The following LPAR5 variants were observed in gnomAD, a reference collection of about 807,000 sequenced individuals.
LPAR5 encodes lysophosphatidic acid receptor 5, also known as G protein-coupled receptor 92.
For synonymous variants in LPAR5, 271 were observed against 261.6 expected (o/e 1.04, Z -0.35); for missense variants, 544 against 521.8 (o/e 1.04, Z -0.41).
chr12:6,621,130 T>G lies in LPAR5; in HGVS notation c.119A>C (p.Asn40Thr). The G allele has an allele frequency of 6.3e-7, 1 of 1,598,008 alleles. No individual in the cohort carries two copies. The change falls in exon 2 of 2, where the codon AAC becomes ACC. Residue 40 changes from asparagine to threonine, a missense_variant. Asn to Thr is a moderately conservative substitution (Grantham distance 65). Transcript: ENST00000329858. ...SLVLAAGLPL[N>T]ALALWVFLRA... is the part of the protein sequence containing the mutation. Reference sequence around the variant, plus strand: ...CAGGAAGACCCAGAGGGCTAGCGCGTTGAGGGGGAGCCCGGCAGCCAGCAC... The same window carrying G: ...CAGGAAGACCCAGAGGGCTAGCGCGGTGAGGGGGAGCCCGGCAGCCAGCAC...
At chr12:6,631,643 C>G (rs1948981441) in intron 1 of LPAR5, 1 of 152,298 alleles carries the variant, frequency 6.6e-6, no homozygotes, top group Non-Finnish European at 1.5e-5. Context: ...GGGCACTGCT[C>G]TTTGCTGAGA....
rs201248612 is a variant in LPAR5 at position 6,621,120 on chromosome 12, G to C, written c.129C>G (p.Ala43=). 6.2e-7 allele frequency: 1 copy of C among 1,603,752 alleles called. No homozygotes were observed. Among genetic ancestry groups the C allele is most frequent in the Admixed American group, 1.7e-5 (1 of 58,878 alleles). The part of the protein sequence containing the change: ...LAAGLPLNAL[A]LWVFLRALRV... Reference sequence around the variant, plus strand: ...GCAGCGCGCGCAGGAAGACCCAGAGGGCTAGCGCGTTGAGGGGGAGCCCGG... The same window carrying C: ...GCAGCGCGCGCAGGAAGACCCAGAGCGCTAGCGCGTTGAGGGGGAGCCCGG... The change falls in exon 2 of 2, where the codon GCC becomes GCG. Residue 43 remains alanine, a synonymous_variant. Transcript: ENST00000329858.
Position 6,620,929 on chromosome 12 carries a change from C to T in LPAR5, c.320G>A (p.Gly107Asp). 6.2e-7 allele frequency: 1 copy of T among 1,607,376 alleles called. No individual in the cohort carries two copies. Among genetic ancestry groups the T allele is most frequent in the Non-Finnish European group, 8.5e-7 (1 of 1,177,180 alleles). ...TGAIFQMNMYGSCIFLMLINV... is the reference protein window; with the variant it reads ...TGAIFQMNMYDSCIFLMLINV... ...GATGAGCATCAGGAAGATGCAGCTGCCGTACATGTTCATCTGGAAGATGGC... is the reference window on the plus strand; with the variant it reads ...GATGAGCATCAGGAAGATGCAGCTGTCGTACATGTTCATCTGGAAGATGGC... Residue 107 changes from glycine to aspartate, a missense_variant, in exon 2 of 2, where the codon GGC (glycine) becomes GAC (aspartate). Gly to Asp is a moderately conservative substitution (Grantham distance 94). Coordinates refer to ENST00000329858, the MANE Select transcript of LPAR5 (RefSeq NM_020400.6). The surrounding 1 kb of genome is among the most constrained non-coding windows in gnomAD (Gnocchi z 6.8).
At chr12:6,625,205 C>T (rs947946561) in intron 1 of LPAR5, among the ~76,000 whole-genome samples, 2 of 151,666 alleles carry the variant, frequency 1.3e-5, no homozygotes, top group African/African-American at 4.8e-5. Context: ...GCAGGCGGAT[C>T]ACGAGGTCAG....
intron 1 of LPAR5, among the ~76,000 whole-genome samples, chr12:6,630,186 C>T (rs946707775): frequency 2.0e-5 from 3 of 151,562 alleles, no homozygotes; most frequent in African/African-American, 4.8e-5. Flanking sequence ...TGCAGTATCA[C>T]AATCTTGGCT....
chr12:6,620,750 A>G lies in LPAR5; in HGVS notation c.499T>C (p.Tyr167His), dbSNP rs750761792. Residue 167 changes from tyrosine (Y) to histidine (H), a missense_variant, in exon 2 of 2, where the codon TAC (tyrosine) becomes CAC (histidine). Physicochemically the swap from Tyr to His is moderately conservative, Grantham distance 83 (BLOSUM62 2). Transcript: ENST00000329858. The surrounding 1 kb of genome is among the most constrained non-coding windows in gnomAD (Gnocchi z 6.8). ...CATAGGCGCACCTCGAGGTCCCGGT[A>G]GCGGCAACGCGAGGGCCTGTGCACG... ...ARVHRPSRCR[Y>H]RDLEVRLCFE... 11 of 1,592,712 alleles carry G rather than the reference A, an allele frequency of 6.9e-6. No individual in the cohort carries two copies. The highest frequency in any genetic ancestry group is 2.3e-5 in the South Asian group (2 of 88,516).
At position 6,634,983 on chromosome 12, in the gene LPAR5, G is replaced by T. The variant is rs370071866; in HGVS notation, c.-217+924C>A. ...CGTACCTATAATCCCAGCTACTCAG[G>T]AGGCTGAGGCAGAGAATTGCTTGAA... On this transcript the variant is annotated intron_variant, in intron 1 of 1. Coordinates refer to ENST00000329858, the MANE Select transcript of LPAR5 (RefSeq NM_020400.6). Among the ~76,000 whole-genome samples, 11 of 151,126 alleles carry T rather than the reference G, an allele frequency of 7.3e-5. No individual in the cohort carries two copies. The East Asian group carries it at 2.0e-3, about 27-fold the overall frequency.
At chr12:6,635,648 G>A (rs1350154896) in intron 1 of LPAR5, among the ~76,000 whole-genome samples, 3 of 152,174 alleles carry the variant, frequency 2.0e-5, no homozygotes, top group South Asian at 2.1e-4. Context: ...CAGCCTCTGC[G>A]AGATGCCCCA....
At chr12:6,623,813 C>T (rs997791709) in intron 1 of LPAR5, among the ~76,000 whole-genome samples, 2 of 152,008 alleles carry the variant, frequency 1.3e-5, no homozygotes, top group African/African-American at 4.8e-5. Context: ...AGGCTAGCTC[C>T]TCATTATCCA....
At chr12:6,632,537 G>A (rs1948986395) in intron 1 of LPAR5, among the ~76,000 whole-genome samples, 1 of 152,152 alleles carries the variant, frequency 6.6e-6, no homozygotes, top group African/African-American at 2.4e-5. Flanking sequence ...AGCGCTGGGA[G>A]GATGCACCCT....
intron 1 of LPAR5, among the ~76,000 whole-genome samples, chr12:6,622,214 A>G (rs1948901999): frequency 6.6e-6 from 1 of 151,884 alleles, no homozygotes; most frequent in Non-Finnish European, 1.5e-5. Context: ...ACCTGAGGTC[A>G]GGAGTTCGAG....
intron 1 of LPAR5, among the ~76,000 whole-genome samples, chr12:6,629,642 C>G (rs952304205): frequency 1.7e-4 from 25 of 150,280 alleles, no homozygotes; most frequent in Non-Finnish European, 3.4e-4. Flanking sequence ...CCACTGCACT[C>G]CAGCCTAGAT....
chr12:6,623,505 G>A (rs1948911348), intron 1 of LPAR5, among the ~76,000 whole-genome samples: 1 of 152,090 alleles, frequency 6.6e-6, no homozygotes, highest in Non-Finnish European at 1.5e-5. Context: ...CTGCACTCCA[G>A]CCTGGGTGAC....
At chr12:6,625,865 G>A (rs910627732) in intron 1 of LPAR5, among the ~76,000 whole-genome samples, 5 of 152,074 alleles carry the variant, frequency 3.3e-5, no homozygotes, top group Admixed American at 6.5e-5. Context: ...GCAGTGGCTC[G>A]ATCTTGGCCC....
At chr12:6,624,662 G>C (rs551148987) in intron 1 of LPAR5, among the ~76,000 whole-genome samples, 2 of 151,788 alleles carry the variant, frequency 1.3e-5, no homozygotes, top group Non-Finnish European at 2.9e-5. Flanking sequence ...CTCTTGTTGC[G>C]CAGGCTGGAG....
chr12:6,621,692 G>C (rs937230617), intron 1 of LPAR5, among the ~76,000 whole-genome samples: 4 of 152,194 alleles, frequency 2.6e-5, no homozygotes, highest in Non-Finnish European at 5.9e-5. Context: ...GCCTAGTTGT[G>C]TGACTTCAAA....
chr12:6,632,886 TC>T (rs1948989260), intron 1 of LPAR5, among the ~76,000 whole-genome samples: 2 of 152,252 alleles, frequency 1.3e-5, no homozygotes, highest in African/African-American at 4.8e-5. Context: ...CTGGCACGGA[TC>T]CCGGGTGTCA....
intron 1 of LPAR5, among the ~76,000 whole-genome samples, chr12:6,629,104 G>A (rs939960443): frequency 2.7e-4 from 40 of 148,210 alleles, no homozygotes; most frequent in East Asian, 6.2e-4. Context: ...TACCGGGCAC[G>A]GTGGCTCACG....
At chr12:6,624,801 G>A (rs1056807623) in intron 1 of LPAR5, among the ~76,000 whole-genome samples, 3 of 151,904 alleles carry the variant, frequency 2.0e-5, no homozygotes, top group African/African-American at 7.3e-5. Context: ...TGTATTTTTA[G>A]TAGAGACGAG....
Sources: gnomAD v4.1 joint callset for allele counts (sites outside exome capture counted in the v4.1 genomes callset) on GRCh38, gnomAD v4.1.1 for gene constraint, Gnocchi (gnomAD v3.1) non-coding constraint, MANE v1.5 for transcripts, NCBI Gene and HGNC (gene_info 2026-07-23, HGNC 2026-07-21) for gene names.